Variants in ENOSF1 observed in about 807,000 individuals in gnomAD.
The protein encoded by ENOSF1 is enolase superfamily member 1.
A neutral mutation model predicts 68.2 loss-of-function variants in ENOSF1; 73 were observed. The ratio of observed to expected loss-of-function variants is 1.07; its 90% CI spans 0.89 to 1.30. The LOEUF (loss-of-function observed/expected upper bound fraction) is 1.30. ENOSF1 is among the 50% of genes most tolerant of loss of function. The pLI, the probability that ENOSF1 is intolerant of heterozygous loss-of-function variation, is 0.00. For synonymous variants in ENOSF1, 223 were observed against 210.4 expected, an observed-to-expected ratio of 1.06 and a Z score of -0.52; for missense variants, 589 against 554.5, an observed-to-expected ratio of 1.06 and a Z score of -0.62.
At position 673,710 on chromosome 18, in the gene ENOSF1, G is replaced by GTTTTTTTTTTT. The variant is rs10610259; in HGVS notation, c.*584_*594dup. The stretch of plus-strand genomic sequence containing the variant: ...AAATATAATGACCATTTAGGATAGA[G>GTTTTTTTTTTT]TTTTTTTTTTTTTTTTTTAAACTTT... On this transcript the variant is annotated 3_prime_UTR_variant, in exon 16 of 16. Transcript: ENST00000647584. 7.2e-6 allele frequency: 1 copy of GTTTTTTTTTTT among 138,704 alleles called. No homozygotes were observed. Among genetic ancestry groups the GTTTTTTTTTTT allele is most frequent in the African/African-American group, 2.6e-5 (1 of 38,094 alleles). The allele number at this position is 138,704 out of a possible 1,614,324, so 8.6% of individuals were successfully genotyped here.
rs1222246411 is a variant in ENOSF1, at chr18:675,560, G to T, written c.1149-158C>A. ...TTTCTAGGCAAGTCCCTAAACCTCT[G>T]TGCCTCAGGTCCTTTTCTTCTAAAA... On this transcript the variant is annotated intron_variant, in intron 14 of 15. Coordinates refer to ENST00000647584, the MANE Select transcript of ENOSF1 (RefSeq NM_017512.7). 7 of 633,480 alleles carry T rather than the reference G, an allele frequency of 1.1e-5. No individual in the cohort carries two copies. In the East Asian group the frequency reaches 1.9e-4, roughly 18 times the overall value. 39.2% of individuals were successfully genotyped at this position (633,480 alleles called of 1,614,324 possible).
chr18:695,623 A>G (rs1283711788), intron 3 of ENOSF1, among the ~76,000 whole-genome samples: 1 of 152,142 alleles, frequency 6.6e-6, no homozygotes, highest in Non-Finnish European at 1.5e-5. Flanking sequence ...TTATTTTTAA[A>G]AAGTACAGAC....
chr18:680,336 G>GTACTCT (rs1472037547), intron 11 of ENOSF1, among the ~76,000 whole-genome samples: 1 of 152,196 alleles, frequency 6.6e-6, no homozygotes, highest in African/African-American at 2.4e-5. Flanking sequence ...TCTAATTTAA[G>GTACTCT]TACTCTTGGT....
chr18:705,467 T>C (rs956263112), intron 2 of ENOSF1, among the ~76,000 whole-genome samples: 1 of 152,140 alleles, frequency 6.6e-6, no homozygotes, highest in Non-Finnish European at 1.5e-5. Context: ...TGCCTCAGTT[T>C]TCTTCTCTCT....
intron 5 of ENOSF1, 61 bp downstream of exon 5, chr18:693,821 T>C: frequency 1.9e-6 from 3 of 1,608,908 alleles, no homozygotes; most frequent in Non-Finnish European, 2.5e-6. Flanking sequence ...TCAAAAGGCA[T>C]GTCATCAATG....
intron 12 of ENOSF1, chr18:678,477 T>C (rs1474003674): frequency 1.9e-6 from 1 of 537,666 alleles, no homozygotes; most frequent in African/African-American, 1.9e-5. Flanking sequence ...TTGAAAAAGA[T>C]ACCCGACCTT....
intron 11 of ENOSF1, among the ~76,000 whole-genome samples, chr18:681,847 G>A (rs2076113431): frequency 6.6e-6 from 1 of 152,194 alleles, no homozygotes; most frequent in Non-Finnish European, 1.5e-5. Flanking sequence ...GAAGGGGAGG[G>A]CATTTCTGAA....
At chr18:675,562 G>T in intron 14 of ENOSF1, 160 bp from the exon 15 acceptor site, 1 of 628,568 alleles carries the variant, frequency 1.6e-6, no homozygotes, top group Non-Finnish European at 2.9e-6. Flanking sequence ...AAACCTCTGT[G>T]CCTCAGGTCC....
Position 688,848 on chromosome 18 carries a change from C to T in ENOSF1, c.619-240G>A, listed in dbSNP as rs138869966. The stretch of plus-strand genomic sequence containing the variant: ...ATTTTTTTAATGGTCACAACCTTCC[C>T]GGAAGGGGAAGATAGCACTGATCTC... On this transcript the variant is annotated intron_variant, in intron 8 of 15. Coordinates refer to ENST00000647584, the MANE Select transcript of ENOSF1 (RefSeq NM_017512.7). 1.4e-4 allele frequency among the ~76,000 whole-genome samples: 22 copies of T among 152,216 alleles called. No homozygotes were observed. In the East Asian group the frequency reaches 3.9e-3, roughly 27 times the overall value.
chr18:698,419 A>G (rs2077972563), intron 2 of ENOSF1, among the ~76,000 whole-genome samples: 1 of 152,244 alleles, frequency 6.6e-6, no homozygotes, highest in South Asian at 2.1e-4. Context: ...AATTCATAAC[A>G]TAAACTATTA....
chr18:677,470 T>C lies in ENOSF1; in HGVS notation c.1049-26A>G, dbSNP rs571272197. On this transcript the variant is annotated intron_variant, in intron 13 of 15. Coordinates refer to ENST00000647584, the MANE Select transcript of ENOSF1 (RefSeq NM_017512.7). ...CTAAAAGGAAATCGTTTCTATTTAA[T>C]ACCAAGAGTAGGGCAGGGAGAGGAA... The C allele has an allele frequency of 3.9e-5, 63 of 1,600,714 alleles. 1 individual carries two copies. In the Admixed American group the frequency reaches 9.6e-4, roughly 24 times the overall value.
In ENOSF1 at chr18:671,748, C is replaced by G; in HGVS notation, c.*2557G>C. On this transcript the variant is annotated 3_prime_UTR_variant, in exon 16 of 16. Coordinates refer to ENST00000647584, the MANE Select transcript of ENOSF1 (RefSeq NM_017512.7). ...AAGGGGGCATTTTAACTCATTTTAA[C>G]TTGAAGGAGAATTGAAGTGCAAATG... 7.8e-6 allele frequency: 3 copies of G among 386,614 alleles called. No homozygotes were observed. Among genetic ancestry groups the G allele is most frequent in the South Asian group, 3.9e-5 (1 of 25,648 alleles). The allele number at this position is 386,614 out of a possible 1,614,324, so 23.9% of individuals were successfully genotyped here. A position where few individuals can be genotyped will look rare whatever the true frequency, so the allele number is the denominator to read the frequency against.
chr18:694,818 C>CTCTATA (rs150137994), intron 3 of ENOSF1, among the ~76,000 whole-genome samples: 1 of 151,678 alleles, frequency 6.6e-6, no homozygotes, highest in Admixed American at 6.6e-5. Flanking sequence ...TTCTCTCTCT[C>CTCTATA]TATATATATG....
At chr18:693,955 C>T in intron 4 of ENOSF1, 47 bp from the exon 5 acceptor site, 1 of 1,600,436 alleles carries the variant, frequency 6.2e-7, no homozygotes, top group Non-Finnish European at 8.5e-7. Flanking sequence ...TGTAAAGTCC[C>T]CATTTTTTCC....
At chr18:684,246 C>T (rs1029519124) in intron 10 of ENOSF1, among the ~76,000 whole-genome samples, 6 of 152,166 alleles carry the variant, frequency 3.9e-5, no homozygotes, top group South Asian at 2.1e-4. Flanking sequence ...CCGCCCGCCT[C>T]GGCCTCCCAA....
In ENOSF1 at chr18:674,212, G is replaced by C; in HGVS notation, c.*93C>G. The stretch of plus-strand genomic sequence containing the variant: ...CTTCTAGCTGAACTCATCTTGATCG[G>C]TAGGATTTTTTAAATCCATTTTTGT... On this transcript the variant is annotated 3_prime_UTR_variant, in exon 16 of 16. Coordinates refer to ENST00000647584, the MANE Select transcript of ENOSF1 (RefSeq NM_017512.7). 1 of 850,104 alleles carries C rather than the reference G, an allele frequency of 1.2e-6. No individual in the cohort carries two copies. Among genetic ancestry groups the C allele is most frequent in the Non-Finnish European group, 1.9e-6 (1 of 529,042 alleles). 52.7% of individuals were successfully genotyped at this position (850,104 alleles called of 1,614,324 possible). A position where few individuals can be genotyped will look rare whatever the true frequency, so the allele number is the denominator to read the frequency against.
chr18:696,201 TC>T (rs1413858598), intron 3 of ENOSF1, among the ~76,000 whole-genome samples: 46 of 127,400 alleles, frequency 3.6e-4, no homozygotes, highest in East Asian at 2.4e-3. Context: ...TTTACATCTC[TC>T]TCTTTTTTTT....
At chr18:687,292 G>A (rs1408372112) in intron 9 of ENOSF1, 2 of 152,220 alleles carry the variant, frequency 1.3e-5, no homozygotes, top group Non-Finnish European at 2.9e-5. Flanking sequence ...CCTCCTTCAA[G>A]TTCTCACTCC....
intron 2 of ENOSF1, among the ~76,000 whole-genome samples, chr18:700,771 G>A (rs1458812145): frequency 2.0e-5 from 3 of 151,760 alleles, no homozygotes; most frequent in African/African-American, 7.3e-5. Flanking sequence ...TGTAATCCCA[G>A]CTACTTGTGG....
Sources: gnomAD v4.1 joint callset for allele counts (sites outside exome capture counted in the v4.1 genomes callset) on GRCh38, gnomAD v4.1.1 for gene constraint, MANE v1.5 for transcripts, NCBI Gene and HGNC (gene_info 2026-07-23, HGNC 2026-07-21) for gene names.